Variants in CASK observed in about 807,000 individuals in gnomAD.
The protein encoded by CASK is calcium/calmodulin dependent serine protein kinase, also known as peripheral plasma membrane protein CASK.
In CASK, 4 loss-of-function variants were observed where a neutral mutation model predicts 82.9. That is an observed-to-expected ratio of 0.05 (90% CI 0.02 to 0.11). The LOEUF is 0.11. Ranked by LOEUF, CASK falls within the 10% of genes least tolerant of loss-of-function variation. CASK has a pLI of 1.00. For missense variants in CASK, 358 were observed against 720.9 expected, an observed-to-expected ratio of 0.50 and a Z score of 5.76; for synonymous variants, 259 against 253.5, an observed-to-expected ratio of 1.02 and a Z score of -0.20.
At chrX:41,603,032 G>T (rs911593901) in intron 12 of CASK, among the ~76,000 whole-genome samples, 1 of 111,729 alleles carries the variant, frequency 9.0e-6, no homozygotes, top group Non-Finnish European at 1.9e-5. Flanking sequence ...TGTGCAGCTG[G>T]TTTCATAATT....
chrX:41,901,446 C>T (rs2072378440), intron 1 of CASK, among the ~76,000 whole-genome samples: 1 of 107,558 alleles, frequency 9.3e-6, no homozygotes, highest in Non-Finnish European at 1.9e-5. Flanking sequence ...GTGATCACTC[C>T]ACTATACTCC....
At chrX:41,856,435 AG>A (rs1168776571) in intron 1 of CASK, among the ~76,000 whole-genome samples, 44 of 111,340 alleles carry the variant, frequency 4.0e-4, no homozygotes, top group African/African-American at 1.4e-3. Context: ...AGAATCCCCA[AG>A]AAACTCATGA....
At chrX:41,763,000 C>T (rs2069032377) in intron 3 of CASK, among the ~76,000 whole-genome samples, 1 of 110,625 alleles carries the variant, frequency 9.0e-6, no homozygotes, top group Non-Finnish European at 1.9e-5. Context: ...ATCCCTGATT[C>T]AAAAGAAGGT....
intron 12 of CASK, among the ~76,000 whole-genome samples, chrX:41,604,646 T>C (rs935312806): frequency 8.1e-5 from 9 of 111,589 alleles, no homozygotes; most frequent in Non-Finnish European, 1.1e-4. Context: ...ATGGCAGTCC[T>C]AGCAAACTAA....
intron 2 of CASK, among the ~76,000 whole-genome samples, chrX:41,825,163 C>T (rs1031659025): frequency 1.8e-5 from 2 of 111,067 alleles, no homozygotes; most frequent in Non-Finnish European, 3.8e-5. Flanking sequence ...ACATTGCATG[C>T]CTATATCAAA....
chrX:41,707,682 G>A (rs761792886), intron 5 of CASK, among the ~76,000 whole-genome samples: 19 of 111,722 alleles, frequency 1.7e-4, no homozygotes, highest in Admixed American at 5.7e-4. Context: ...TTGTGTGTGT[G>A]CATGAGAGAG....
chrX:41,701,550 A>C (rs1394122570), intron 5 of CASK, among the ~76,000 whole-genome samples: 3 of 111,985 alleles, frequency 2.7e-5, no homozygotes, highest in Non-Finnish European at 3.8e-5. Flanking sequence ...GAGATAAACT[A>C]TGCGGCATTC....
intron 3 of CASK, among the ~76,000 whole-genome samples, chrX:41,763,427 G>A (rs2069042480): frequency 1.8e-5 from 2 of 111,033 alleles, no homozygotes; most frequent in Admixed American, 9.6e-5. Flanking sequence ...TTTGGGAGGC[G>A]GAGGTGGGTG....
intron 8 of CASK, among the ~76,000 whole-genome samples, chrX:41,644,750 A>G (rs1407734701): frequency 1.8e-5 from 2 of 111,803 alleles, no homozygotes; most frequent in African/African-American, 6.5e-5. Flanking sequence ...ATGCGCACCT[A>G]GGAGTAAGTC....
chrX:41,632,774 C>T (rs1381794638), intron 9 of CASK, among the ~76,000 whole-genome samples: 2 of 111,100 alleles, frequency 1.8e-5, no homozygotes, highest in African/African-American at 3.3e-5. Flanking sequence ...AGGCTGGGCG[C>T]GGTGGCTTAT....
intron 5 of CASK, chrX:41,689,956 C>T (rs1230740038): frequency 2.7e-5 from 3 of 111,463 alleles, no homozygotes; most frequent in African/African-American, 6.5e-5. Flanking sequence ...GGGTCCAGTA[C>T]TCCTACATGA....
chrX:41,843,514 G>A (rs993611405), intron 2 of CASK, among the ~76,000 whole-genome samples: 1 of 111,391 alleles, frequency 9.0e-6, no homozygotes, highest in African/African-American at 3.3e-5. Flanking sequence ...CTACTTACTC[G>A]TGGTACTTAA....
At chrX:41,770,404 G>A (rs1188145000) in intron 3 of CASK, among the ~76,000 whole-genome samples, 1 of 109,639 alleles carries the variant, frequency 9.1e-6, no homozygotes, top group East Asian at 2.9e-4. Flanking sequence ...CAGGCTGGCT[G>A]GCTGGCTATC....
At chrX:41,650,814 T>TA (rs890654378) in intron 8 of CASK, among the ~76,000 whole-genome samples, 1 of 111,318 alleles carries the variant, frequency 9.0e-6, no homozygotes, top group Non-Finnish European at 1.9e-5. Context: ...TCAACCATTC[T>TA]AAAAAAATAC....
chrX:41,873,785 CTTTTTTTTTTTT>C (rs781735208), intron 1 of CASK, among the ~76,000 whole-genome samples: 5 of 88,601 alleles, frequency 5.6e-5, no homozygotes, highest in Non-Finnish European at 9.0e-5. Context: ...TTTGTTGTTC[CTTTTTTTTTTTT>C]TTTTTTTTTG....
At chrX:41,883,671 T>C (rs918291719) in intron 1 of CASK, among the ~76,000 whole-genome samples, 14 of 111,684 alleles carry the variant, frequency 1.3e-4, no homozygotes, top group African/African-American at 4.6e-4. Context: ...AAAACTGCCC[T>C]GCAGCAGCCA....
intron 1 of CASK, among the ~76,000 whole-genome samples, chrX:41,917,273 T>G (rs189878234): frequency 8.9e-6 from 1 of 112,116 alleles, no homozygotes; most frequent in Non-Finnish European, 1.9e-5. Flanking sequence ...GTGTTCTCTG[T>G]AAAATGGGTA....
intron 8 of CASK, among the ~76,000 whole-genome samples, chrX:41,652,557 G>A (rs1186812649): frequency 9.0e-6 from 1 of 111,514 alleles, no homozygotes; most frequent in African/African-American, 3.3e-5. Flanking sequence ...ACCAAGGAGG[G>A]ATGAGAGGGT....
chrX:41,657,508 T>C (rs1447436536), intron 8 of CASK, among the ~76,000 whole-genome samples: 1 of 111,804 alleles, frequency 8.9e-6, no homozygotes, highest in Admixed American at 9.5e-5. Flanking sequence ...GAATTATATA[T>C]TCTTTTATAT....
Sources: allele counts gnomAD v4.1 joint callset (sites outside exome capture counted in the v4.1 genomes callset), GRCh38; gene constraint gnomAD v4.1.1; transcripts MANE v1.5; gene names NCBI Gene and HGNC (gene_info 2026-07-23, HGNC 2026-07-21).